The following STPG2 variants were observed in gnomAD, a reference collection of about 807,000 sequenced individuals.
STPG2 encodes the protein sperm tail PG-rich repeat containing 2.
STPG2 carries 56 observed loss-of-function variants against 54.2 expected under a neutral mutation model. That is an observed-to-expected ratio of 1.03 (90% CI 0.83 to 1.29). STPG2 has a LOEUF of 1.29. Among genes scored for constraint, STPG2 ranks in the 50% most tolerant of loss-of-function variants. The probability of loss-of-function intolerance (pLI) is 0.00; values close to 1 mark genes in which losing one functional copy is unlikely to be tolerated. For missense variants in STPG2, 596 were observed against 544.9 expected (o/e 1.09, Z -0.93); for synonymous variants, 200 against 181.8 (o/e 1.10, Z -0.81).
intron 8 of STPG2, among the ~76,000 whole-genome samples, chr4:97,875,716 A>G (rs1232823279): frequency 6.6e-6 from 1 of 151,678 alleles, no homozygotes; most frequent in Non-Finnish European, 1.5e-5. Context: ...GACAAAAATT[A>G]TAATTAGTAT....
chr4:98,029,366 T>C (rs764108044), intron 5 of STPG2, among the ~76,000 whole-genome samples: 2 of 152,166 alleles, frequency 1.3e-5, no homozygotes, highest in South Asian at 2.1e-4. Context: ...TCTCTATACA[T>C]GCATATACCT....
chr4:97,711,696 G>A (rs1178524295), intron 10 of STPG2, among the ~76,000 whole-genome samples: 1 of 142,764 alleles, frequency 7.0e-6, no homozygotes, highest in Non-Finnish European at 1.5e-5. Context: ...TTGAGAAGGA[G>A]TCTCGCTCTG....
chr4:98,095,307 G>A (rs1302579716), intron 5 of STPG2, among the ~76,000 whole-genome samples: 3 of 152,136 alleles, frequency 2.0e-5, no homozygotes, highest in Non-Finnish European at 2.9e-5. Context: ...AATGGCAGAC[G>A]TCAGTCCTTA....
intron 8 of STPG2, among the ~76,000 whole-genome samples, chr4:97,904,859 G>A (rs9684480): frequency 0.37 from 56,723 of 151,990 alleles, 10,663 homozygotes; most frequent in Middle Eastern, 0.46. Flanking sequence ...GGGTATCAGC[G>A]ATGGAAGATG....
chr4:97,532,283 ATATC>A (rs952114579), intron 4 of STPG2, among the ~76,000 whole-genome samples: 1 of 152,170 alleles, frequency 6.6e-6, no homozygotes, highest in African/African-American at 2.4e-5. Context: ...AAATTTTACT[ATATC>A]TATATTTGCA....
At chr4:97,631,072 A>G (rs191043250) in intron 10 of STPG2, among the ~76,000 whole-genome samples, 4 of 152,058 alleles carry the variant, frequency 2.6e-5, no homozygotes, top group Admixed American at 1.3e-4. Context: ...ATTTATGTAC[A>G]TATTGTTTCT....
chr4:97,509,087 G>A (rs1179922243), intron 4 of STPG2, among the ~76,000 whole-genome samples: 8 of 151,982 alleles, frequency 5.3e-5, no homozygotes, highest in East Asian at 3.9e-4. Context: ...CTACAGCATC[G>A]CCTTCACTGT....
intron 4 of STPG2, among the ~76,000 whole-genome samples, chr4:97,461,987 A>T (rs1291268604): frequency 6.6e-6 from 1 of 151,914 alleles, no homozygotes; most frequent in Non-Finnish European, 1.5e-5. Context: ...ATTAGTTAGC[A>T]TTTTTTGTGT....
chr4:97,905,420 AC>A (rs1412889266), intron 8 of STPG2, among the ~76,000 whole-genome samples: 1 of 152,088 alleles, frequency 6.6e-6, no homozygotes, highest in Admixed American at 6.6e-5. Context: ...AGATTTTGTC[AC>A]CACCAGGCCT....
At chr4:98,094,846 A>G (rs1281422420) in intron 5 of STPG2, among the ~76,000 whole-genome samples, 2 of 152,172 alleles carry the variant, frequency 1.3e-5, no homozygotes, top group Non-Finnish European at 2.9e-5. Context: ...GTATAATAGA[A>G]CATCAGGTAA....
chr4:98,017,912 A>C (rs1736020170), intron 5 of STPG2, among the ~76,000 whole-genome samples: 1 of 152,108 alleles, frequency 6.6e-6, no homozygotes, highest in Non-Finnish European at 1.5e-5. Context: ...TGTGAAGAAA[A>C]TACTTGCTTC....
intron 4 of STPG2, among the ~76,000 whole-genome samples, chr4:97,490,722 C>T (rs1730485910): frequency 6.6e-6 from 1 of 151,558 alleles, no homozygotes; most frequent in African/African-American, 2.4e-5. Context: ...AACTAACATG[C>T]CAATTTCCAC....
At chr4:98,028,717 C>G (rs913049393) in intron 5 of STPG2, among the ~76,000 whole-genome samples, 1 of 152,174 alleles carries the variant, frequency 6.6e-6, no homozygotes, top group African/African-American at 2.4e-5. Context: ...ACTCAGTTAT[C>G]TCTCTTCCTC....
At chr4:98,078,528 G>A (rs1214874955) in intron 5 of STPG2, among the ~76,000 whole-genome samples, 1 of 151,608 alleles carries the variant, frequency 6.6e-6, no homozygotes, top group African/African-American at 2.4e-5. Flanking sequence ...GCTGGCACTT[G>A]TGGTGACCCT....
intron 10 of STPG2, among the ~76,000 whole-genome samples, chr4:97,597,972 C>G (rs536844661): frequency 2.6e-5 from 4 of 151,982 alleles, no homozygotes; most frequent in African/African-American, 9.7e-5. Flanking sequence ...TGATTCTATA[C>G]CTAGAAAATC....
At chr4:97,748,305 G>T (rs535917080) in intron 9 of STPG2, among the ~76,000 whole-genome samples, 1 of 151,402 alleles carries the variant, frequency 6.6e-6, no homozygotes, top group Non-Finnish European at 1.5e-5. Context: ...TTACTATTTT[G>T]TCATTATTTA....
intron 10 of STPG2, among the ~76,000 whole-genome samples, chr4:97,603,780 T>C (rs1025728777): frequency 2.0e-5 from 3 of 151,630 alleles, no homozygotes; most frequent in Non-Finnish European, 4.4e-5. Flanking sequence ...GTACTTAGAA[T>C]AGTAAAATTA....
intron 4 of STPG2, among the ~76,000 whole-genome samples, chr4:97,488,335 C>T (rs946480809): frequency 6.6e-6 from 1 of 151,726 alleles, no homozygotes; most frequent in Middle Eastern, 3.4e-3. Context: ...TTAATTTAAT[C>T]TCAAGAAAAG....
intron 8 of STPG2, among the ~76,000 whole-genome samples, chr4:97,843,624 T>G (rs960753016): frequency 2.6e-5 from 4 of 151,960 alleles, no homozygotes; most frequent in Non-Finnish European, 4.4e-5. Flanking sequence ...CGGAATTCCC[T>G]AGTATTTTAA....
Sources: allele counts gnomAD v4.1 joint callset (sites outside exome capture counted in the v4.1 genomes callset), GRCh38; gene constraint gnomAD v4.1.1; transcripts MANE v1.5; gene names NCBI Gene and HGNC (gene_info 2026-07-23, HGNC 2026-07-21).